Variants in CNST observed in about 807,000 individuals in gnomAD.
CNST encodes consortin.
In CNST, 39 loss-of-function variants were observed where a neutral mutation model predicts 72.4. The ratio of observed to expected loss-of-function variants is 0.54; its 90% confidence interval spans 0.42 to 0.70. The LOEUF is 0.70. Among genes scored for constraint, CNST ranks in the 30% least tolerant of loss-of-function variants. The pLI is 0.00. For missense variants in CNST, 871 were observed against 868.5 expected, an observed-to-expected ratio of 1.00 and a Z score of -0.04; for synonymous variants, 332 against 320.1, an observed-to-expected ratio of 1.04 and a Z score of -0.40.
intron 2 of CNST, among the ~76,000 whole-genome samples, chr1:246,611,243 A>G (rs1663296480): frequency 6.6e-6 from 1 of 152,148 alleles, no homozygotes; most frequent in African/African-American, 2.4e-5. Flanking sequence ...CTCTTTTGAC[A>G]TTGCCTTTCT....
chr1:246,614,428 G>A (rs558435536), intron 2 of CNST, among the ~76,000 whole-genome samples: 18 of 151,990 alleles, frequency 1.2e-4, no homozygotes, highest in African/African-American at 4.1e-4. Flanking sequence ...CTGTATCATC[G>A]TATATATAAT....
chr1:246,596,521 G>C (rs1057456922), intron 2 of CNST, among the ~76,000 whole-genome samples: 7 of 152,052 alleles, frequency 4.6e-5, no homozygotes, highest in African/African-American at 1.7e-4. Flanking sequence ...ATTCTTACCT[G>C]GGGGGAGAAA....
At chr1:246,632,280 C>T in intron 4 of CNST, 2 of 302,040 alleles carry the variant, frequency 6.6e-6, no homozygotes, top group Non-Finnish European at 1.3e-5. Context: ...TGTTCTTTAG[C>T]CTTTGCCTTT....
At chr1:246,581,957 GTATAA>G (rs943468046) in intron 1 of CNST, among the ~76,000 whole-genome samples, 2 of 152,140 alleles carry the variant, frequency 1.3e-5, no homozygotes, top group East Asian at 1.9e-4. Context: ...ATGGTATCCA[GTATAA>G]TATAATATCC....
chr1:246,611,477 G>A (rs187960214), intron 2 of CNST, among the ~76,000 whole-genome samples: 98 of 152,174 alleles, frequency 6.4e-4, no homozygotes, highest in Non-Finnish European at 3.1e-4. Context: ...GAATTAGATC[G>A]AACTGCTCTG....
intron 1 of CNST, among the ~76,000 whole-genome samples, chr1:246,585,663 ATATACACACAC>A (rs1661107342): frequency 4.8e-5 from 2 of 41,880 alleles, no homozygotes; most frequent in Admixed American, 3.5e-4. Context: ...AAAAAAAAAA[ATATACACACAC>A]ACACACACAC....
intron 1 of CNST, among the ~76,000 whole-genome samples, chr1:246,567,103 C>G (rs1659757091): frequency 6.6e-6 from 1 of 150,644 alleles, no homozygotes; most frequent in South Asian, 2.1e-4. Flanking sequence ...GTCTCCCTTC[C>G]ATTCCTCTCT....
At chr1:246,606,034 C>T (rs1410493515) in intron 2 of CNST, 3 of 152,290 alleles carry the variant, frequency 2.0e-5, no homozygotes, top group Middle Eastern at 3.4e-3. Context: ...AAAGGGGCGA[C>T]TTTCTCCATA....
chr1:246,646,148 C>T (rs1368593753), intron 8 of CNST, among the ~76,000 whole-genome samples: 2 of 151,138 alleles, frequency 1.3e-5, no homozygotes, highest in Non-Finnish European at 2.9e-5. Flanking sequence ...GGCAAGGTGG[C>T]GGGCGCCTGT....
At chr1:246,619,710 G>T (rs948604315) in intron 2 of CNST, among the ~76,000 whole-genome samples, 1 of 152,220 alleles carries the variant, frequency 6.6e-6, no homozygotes, top group South Asian at 2.1e-4. Flanking sequence ...AGAAAGGCAG[G>T]AAGTATTTTA....
At chr1:246,604,738 C>T (rs955601240) in intron 2 of CNST, among the ~76,000 whole-genome samples, 3 of 152,064 alleles carry the variant, frequency 2.0e-5, no homozygotes, top group African/African-American at 7.2e-5. Flanking sequence ...GCGTGATCTC[C>T]GCCCACTGCA....
chr1:246,621,880 A>G (rs933633328), intron 3 of CNST, among the ~76,000 whole-genome samples: 6 of 152,192 alleles, frequency 3.9e-5, no homozygotes, highest in Admixed American at 6.5e-5. Flanking sequence ...CTGTAGTCCC[A>G]GCTACTTGGG....
chr1:246,639,314 G>C (rs1294412656), intron 6 of CNST, among the ~76,000 whole-genome samples: 2 of 152,106 alleles, frequency 1.3e-5, no homozygotes, highest in African/African-American at 4.8e-5. Flanking sequence ...TTATGGAGAG[G>C]GCCTTTAGTA....
intron 2 of CNST, among the ~76,000 whole-genome samples, chr1:246,619,567 A>G (rs1390714128): frequency 2.0e-5 from 3 of 152,246 alleles, no homozygotes; most frequent in African/African-American, 7.2e-5. Context: ...ACGAGGCCAT[A>G]TACCAGGTTC....
At chr1:246,593,507 AT>A (rs1248188925) in intron 2 of CNST, among the ~76,000 whole-genome samples, 1 of 151,460 alleles carries the variant, frequency 6.6e-6, no homozygotes, top group Non-Finnish European at 1.5e-5. Context: ...TGCCCAGCTA[AT>A]TTTTTTTGTA....
intron 1 of CNST, among the ~76,000 whole-genome samples, chr1:246,569,347 T>C (rs1306022752): frequency 6.6e-6 from 1 of 152,146 alleles, no homozygotes; most frequent in Non-Finnish European, 1.5e-5. Flanking sequence ...CACATCTCAG[T>C]TTGGAGAAGC....
At chr1:246,638,854 A>G (rs1410031804) in intron 6 of CNST, among the ~76,000 whole-genome samples, 1 of 152,010 alleles carries the variant, frequency 6.6e-6, no homozygotes, top group African/African-American at 2.4e-5. Context: ...AGGTAAGAGC[A>G]TGGCCAGGTT....
intron 2 of CNST, among the ~76,000 whole-genome samples, chr1:246,617,859 A>G (rs754095677): frequency 6.6e-6 from 1 of 152,232 alleles, no homozygotes; most frequent in African/African-American, 2.4e-5. Flanking sequence ...TGGTCATTTC[A>G]TAACATGTAT....
intron 1 of CNST, among the ~76,000 whole-genome samples, chr1:246,571,847 T>C (rs1209710654): frequency 6.6e-6 from 1 of 152,234 alleles, no homozygotes; most frequent in Non-Finnish European, 1.5e-5. Flanking sequence ...ATTTGATATT[T>C]AAATTGACAG....
Sources: allele counts gnomAD v4.1 joint callset (sites outside exome capture counted in the v4.1 genomes callset), GRCh38; gene constraint gnomAD v4.1.1; transcripts MANE v1.5; gene names NCBI Gene and HGNC (gene_info 2026-07-23, HGNC 2026-07-21).